The following CAMK4 variants were observed in gnomAD, a reference collection of about 807,000 sequenced individuals.
The protein encoded by CAMK4 is calcium/calmodulin dependent protein kinase IV.
In CAMK4, 22 loss-of-function variants were observed where a neutral mutation model predicts 44.9. The observed-to-expected ratio is 0.49, with a 90% CI of 0.35 to 0.70. The LOEUF (loss-of-function observed/expected upper bound fraction) is 0.70, where lower values mean the gene tolerates loss of function less well. Ranked by LOEUF, CAMK4 falls within the 30% of genes least tolerant of loss-of-function variation. The probability of loss-of-function intolerance (pLI) is 0.01; values close to 1 mark genes in which losing one functional copy is unlikely to be tolerated. For missense variants in CAMK4, 498 were observed against 586.8 expected (o/e 0.85, Z 1.56); for synonymous variants, 218 against 215.4 (o/e 1.01, Z -0.11).
In CAMK4 at chr5:111,488,375, AT is replaced by A. The variant is rs1755705149; in HGVS notation, c.*3915del. The A allele has an allele frequency of 6.6e-6, 1 of 152,156 alleles. No homozygotes were observed. The highest frequency in any genetic ancestry group is 2.4e-5 in the African/African-American group (1 of 41,426). The allele number at this position is 152,156 out of a possible 1,614,324, so 9.4% of individuals were successfully genotyped here. On this transcript the variant is annotated 3_prime_UTR_variant, in exon 11 of 11. Coordinates refer to ENST00000282356, the MANE Select transcript of CAMK4 (RefSeq NM_001744.6). ...TGGATTTAACAAAAGACTTTTGAAA[AT>A]TTTTTACATACTGATTTTAGAATAA...
At chr5:111,420,682 G>A (rs544856760) in intron 5 of CAMK4, among the ~76,000 whole-genome samples, 26 of 152,176 alleles carry the variant, frequency 1.7e-4, no homozygotes, top group Non-Finnish European at 2.9e-4. Flanking sequence ...ACCTCTAGGC[G>A]TGTATTCTCT....
intron 8 of CAMK4, among the ~76,000 whole-genome samples, chr5:111,477,992 C>G (rs11740269): frequency 0.42 from 64,074 of 151,858 alleles, 14,050 homozygotes; most frequent in Middle Eastern, 0.53. Flanking sequence ...TCTCTGTCTG[C>G]CTGTCTGTCT....
chr5:111,224,351 G>A (rs1748054026), upstream of CAMK4: 28 of 1,261,368 alleles, frequency 2.2e-5, no homozygotes, highest in South Asian at 6.1e-4. This position sits in a 1 kb window ranked among gnomAD's most constrained non-coding sequence, Gnocchi z 5.7. Context: ...GGGCGGCGGC[G>A]GTGGGCGTGT....
chr5:111,484,371 A>G lies in CAMK4; in HGVS notation c.1327A>G (p.Thr443Ala), dbSNP rs143979132. 125 of 1,604,904 alleles carry G rather than the reference A, an allele frequency of 7.8e-5. No individual in the cohort carries two copies. In the African/African-American group the frequency reaches 1.6e-3, roughly 20 times the overall value. ...EEGLAEEKLKTVEEAAAPREG... is the reference protein window; with the variant it reads ...EEGLAEEKLKAVEEAAAPREG... ...GGGCCTAGCAGAGGAGAAGCTGAAG[A>G]CTGTGGAGGAGGCAGCAGCTCCCAG... The change falls in exon 11 of 11, where the codon ACT becomes GCT. Residue 443 changes from threonine (T) to alanine (A), a missense_variant. Around this residue, in one of 3 missense-constraint regions of CAMK4, gnomAD observed 143 missense variants for 144.9 expected, o/e 0.99. Transcript: ENST00000282356. The surrounding 1 kb of genome is among the most constrained non-coding windows in gnomAD (Gnocchi z 5.3).
chr5:111,391,354 A>G (rs1486737153), intron 4 of CAMK4, among the ~76,000 whole-genome samples: 2 of 152,182 alleles, frequency 1.3e-5, no homozygotes, highest in Non-Finnish European at 2.9e-5. Context: ...CAAAAGGTTA[A>G]GTAAACCAAT....
intron 2 of CAMK4, among the ~76,000 whole-genome samples, chr5:111,364,499 C>T (rs890639627): frequency 2.6e-5 from 4 of 152,092 alleles, no homozygotes; most frequent in Admixed American, 2.6e-4. Context: ...TTTCTGGTAT[C>T]TGCAAGCACA....
intron 1 of CAMK4, among the ~76,000 whole-genome samples, chr5:111,242,363 C>A (rs1287450223): frequency 6.6e-6 from 1 of 152,162 alleles, no homozygotes; most frequent in Admixed American, 6.5e-5. Context: ...AGTTCCTTGG[C>A]ATCGTACCTA....
intron 1 of CAMK4, among the ~76,000 whole-genome samples, chr5:111,318,645 T>C (rs1748534453): frequency 6.6e-6 from 1 of 152,172 alleles, no homozygotes; most frequent in South Asian, 2.1e-4. Flanking sequence ...ATTCTAGGAA[T>C]GTCTCTTAAA....
chr5:111,342,249 T>A lies in CAMK4; in HGVS notation c.162-1775T>A, dbSNP rs114351529. ...TTTCCAAGTGTATTTATGGATTTTT[T>A]ATTTCTCCTTTTAGTTCTATAAGAT... On this transcript the variant is annotated intron_variant, in intron 1 of 10. Coordinates refer to ENST00000282356, the MANE Select transcript of CAMK4 (RefSeq NM_001744.6). 5.5e-3 allele frequency among the ~76,000 whole-genome samples: 827 copies of A among 151,592 alleles called. 7 individuals are homozygous for A. Among genetic ancestry groups the A allele is most frequent in the African/African-American group, 0.019 (802 of 41,484 alleles).
At chr5:111,367,342 A>T (rs189551725) in intron 2 of CAMK4, among the ~76,000 whole-genome samples, 3 of 151,814 alleles carry the variant, frequency 2.0e-5, no homozygotes, top group African/African-American at 7.3e-5. Flanking sequence ...TAAATCACTC[A>T]TGAGAGCACA....
At chr5:111,416,415 T>G (rs1305211609) in intron 5 of CAMK4, 1 of 152,214 alleles carries the variant, frequency 6.6e-6, no homozygotes, top group African/African-American at 2.4e-5. Context: ...TAATAAATAT[T>G]GTTAAACAAC....
At chr5:111,239,211 T>C (rs1388845272) in intron 1 of CAMK4, among the ~76,000 whole-genome samples, 1 of 152,176 alleles carries the variant, frequency 6.6e-6, no homozygotes, top group Non-Finnish European at 1.5e-5. Flanking sequence ...TTTGACCGTG[T>C]TTTCACCTTA....
At chr5:111,277,978 C>T (rs1750847403) in intron 1 of CAMK4, among the ~76,000 whole-genome samples, 1 of 152,054 alleles carries the variant, frequency 6.6e-6, no homozygotes, top group Admixed American at 6.5e-5. Context: ...TTTCAGGATG[C>T]AGTGTAACTT....
chr5:111,421,534 A>G (rs556160991), intron 5 of CAMK4, among the ~76,000 whole-genome samples: 1 of 152,306 alleles, frequency 6.6e-6, no homozygotes, highest in Admixed American at 6.5e-5. Flanking sequence ...TCTTCACACA[A>G]TTCTAAATGC....
At chr5:111,263,414 C>T (rs1750082653) in intron 1 of CAMK4, among the ~76,000 whole-genome samples, 1 of 152,162 alleles carries the variant, frequency 6.6e-6, no homozygotes, top group Non-Finnish European at 1.5e-5. Flanking sequence ...AATTTGAGCT[C>T]TTTGGGAAAT....
chr5:111,385,506 G>A lies in CAMK4; in HGVS notation c.386+8564G>A, dbSNP rs554961776. Among the ~76,000 whole-genome samples the A allele has an allele frequency of 1.1e-4, 17 of 152,110 alleles. No homozygotes were observed. The South Asian group carries it at 3.3e-3, about 30-fold the overall frequency. On this transcript the variant is annotated intron_variant, in intron 4 of 10. Transcript: ENST00000282356. ...CTGGGCTAGGTAGAAAGCAAGCAGG[G>A]ACTAGATATTTGTTAAGTGAATGAT... is the stretch of plus-strand genomic sequence containing the variant.
At chr5:111,351,371 C>T (rs986430414) in intron 2 of CAMK4, among the ~76,000 whole-genome samples, 1 of 151,790 alleles carries the variant, frequency 6.6e-6, no homozygotes, top group Admixed American at 6.6e-5. Flanking sequence ...TATCTCTTTA[C>T]AAGGAAACTG....
chr5:111,268,766 A>G (rs1750370667), intron 1 of CAMK4, among the ~76,000 whole-genome samples: 1 of 152,210 alleles, frequency 6.6e-6, no homozygotes, highest in Non-Finnish European at 1.5e-5. Flanking sequence ...TCTATTTTAA[A>G]GAGACATCTA....
chr5:111,386,273 G>A (rs957570278), intron 4 of CAMK4, among the ~76,000 whole-genome samples: 3 of 152,190 alleles, frequency 2.0e-5, no homozygotes, highest in Non-Finnish European at 4.4e-5. Context: ...GCATAATGGT[G>A]TACTGGCAGC....
Sources: gnomAD v4.1 joint callset for allele counts (sites outside exome capture counted in the v4.1 genomes callset) on GRCh38, gnomAD v4.1.1 for gene constraint, gnomAD v4.1.1 regional missense constraint, Gnocchi (gnomAD v3.1) non-coding constraint, MANE v1.5 for transcripts, NCBI Gene and HGNC (gene_info 2026-07-23, HGNC 2026-07-21) for gene names.